The following STXBP5L variants were observed in gnomAD, a reference collection of about 807,000 sequenced individuals.
STXBP5L encodes syntaxin-binding protein 5-like.
A neutral mutation model predicts 144.5 loss-of-function variants in STXBP5L; 65 were observed. The ratio of observed to expected loss-of-function variants is 0.45; its 90% CI spans 0.37 to 0.55. The LOEUF (loss-of-function observed/expected upper bound fraction) is 0.55, where lower values mean the gene tolerates loss of function less well. Ranked by LOEUF, STXBP5L falls within the 20% of genes least tolerant of loss-of-function variation. The probability of loss-of-function intolerance (pLI) is 0.00; values close to 1 mark genes in which losing one functional copy is unlikely to be tolerated. For synonymous variants in STXBP5L, 505 were observed against 469.6 expected, an observed-to-expected ratio of 1.08 and a Z score of -0.97; for missense variants, 1,298 against 1,405.5, an observed-to-expected ratio of 0.92 and a Z score of 1.22.
chr3:121,120,815 TAAG>T (rs1297186930), intron 6 of STXBP5L, among the ~76,000 whole-genome samples: 1 of 151,280 alleles, frequency 6.6e-6, no homozygotes, highest in African/African-American at 2.4e-5. Context: ...AATATAATCA[TAAG>T]AATAATTTGA....
intron 7 of STXBP5L, among the ~76,000 whole-genome samples, chr3:121,143,879 G>T (rs2045608834): frequency 6.6e-6 from 1 of 151,690 alleles, no homozygotes; most frequent in Admixed American, 6.6e-5. Context: ...TCTGAAATAT[G>T]TAGAAAAAAC....
intron 3 of STXBP5L, among the ~76,000 whole-genome samples, chr3:121,019,298 T>G (rs557130666): frequency 6.6e-6 from 1 of 152,172 alleles, no homozygotes; most frequent in East Asian, 1.9e-4. Context: ...CTACCCTAAT[T>G]GAAGACAAAC....
intron 20 of STXBP5L, among the ~76,000 whole-genome samples, chr3:121,352,424 T>C (rs139630323): frequency 0.019 from 2,928 of 152,212 alleles, 115 homozygotes; most frequent in African/African-American, 0.067. Context: ...GATTCCTAGG[T>C]ATTTTATTCT....
chr3:121,302,809 G>T (rs573834904), intron 19 of STXBP5L, among the ~76,000 whole-genome samples: 5 of 152,252 alleles, frequency 3.3e-5, no homozygotes, highest in Admixed American at 6.5e-5. Context: ...AAAGGGTGCT[G>T]GGAAAACTGG....
intron 3 of STXBP5L, among the ~76,000 whole-genome samples, chr3:120,981,422 T>G (rs190904045): frequency 4.3e-4 from 66 of 152,288 alleles, no homozygotes; most frequent in African/African-American, 1.6e-3. Flanking sequence ...ACTGGGTTAA[T>G]TAAAAAGCTC....
intron 2 of STXBP5L, among the ~76,000 whole-genome samples, chr3:120,916,069 T>C (rs1290994839): frequency 6.6e-6 from 1 of 152,192 alleles, no homozygotes; most frequent in Admixed American, 6.5e-5. Flanking sequence ...CTTTCTGGGA[T>C]TGATTTATCA....
intron 3 of STXBP5L, among the ~76,000 whole-genome samples, chr3:121,018,860 CAA>C (rs1431207217): frequency 6.6e-6 from 1 of 152,192 alleles, no homozygotes; most frequent in Non-Finnish European, 1.5e-5. Context: ...CCAACAAAGA[CAA>C]GAGAATCCAC....
chr3:120,933,012 A>G (rs1316956241), intron 2 of STXBP5L, among the ~76,000 whole-genome samples: 1 of 139,224 alleles, frequency 7.2e-6, no homozygotes, highest in African/African-American at 2.7e-5. Flanking sequence ...ACACATGGAC[A>G]TAGGAAGGGG....
rs544829426 is a variant in STXBP5L at position 121,114,350 on chromosome 3, A to C, written c.471-575A>C. On this transcript the variant is annotated intron_variant, in intron 5 of 26. Coordinates refer to ENST00000471454, the MANE Select transcript of STXBP5L (RefSeq NM_001308330.2). ...CTTATATGTCAAACATCTGAATAAA[A>C]ACTAAATAATTTATCATCTCATGTA... is the stretch of plus-strand genomic sequence containing the variant. 2.0e-5 allele frequency among the ~76,000 whole-genome samples: 3 copies of C among 152,306 alleles called. No homozygotes were observed. The East Asian group carries it at 5.8e-4, about 29-fold the overall frequency.
chr3:121,051,054 A>T (rs1298127456), intron 5 of STXBP5L, among the ~76,000 whole-genome samples: 1 of 152,212 alleles, frequency 6.6e-6, no homozygotes, highest in Non-Finnish European at 1.5e-5. Flanking sequence ...ATATATATGC[A>T]CCCAATACAG....
At chr3:121,354,461 T>G (rs1375027647) in intron 20 of STXBP5L, among the ~76,000 whole-genome samples, 1 of 152,040 alleles carries the variant, frequency 6.6e-6, no homozygotes, top group African/African-American at 2.4e-5. Flanking sequence ...CTTTTGATCT[T>G]TGTTGGTTTA....
At chr3:120,919,864 T>A (rs1411720412) in intron 2 of STXBP5L, among the ~76,000 whole-genome samples, 1 of 151,936 alleles carries the variant, frequency 6.6e-6, no homozygotes, top group African/African-American at 2.4e-5. Context: ...TTATAACTTT[T>A]ATGAAACTCC....
intron 5 of STXBP5L, among the ~76,000 whole-genome samples, chr3:121,089,205 TC>T (rs1213355783): frequency 7.9e-5 from 12 of 151,234 alleles, no homozygotes; most frequent in Non-Finnish European, 1.5e-5. Flanking sequence ...GTCTCTTTTT[TC>T]CCATACTTGA....
At chr3:121,265,441 G>A (rs892605726) in intron 18 of STXBP5L, among the ~76,000 whole-genome samples, 4 of 152,056 alleles carry the variant, frequency 2.6e-5, no homozygotes, top group East Asian at 1.9e-4. Context: ...CAGACACAAC[G>A]TACCAGAATC....
chr3:120,975,985 G>A lies in STXBP5L; in HGVS notation c.287+20948G>A, dbSNP rs1485273109. Among the ~76,000 whole-genome samples, 6 of 151,144 alleles carry A rather than the reference G, an allele frequency of 4.0e-5. No homozygotes were observed. In the East Asian group the frequency reaches 1.2e-3, roughly 29 times the overall value. On this transcript the variant is annotated intron_variant, in intron 3 of 26. Transcript: ENST00000471454. ...GGATTTTTGCATCAATGTTCATCAAGGATATTGGTCTAAAATTCTCTTTTT... is the reference window on the plus strand; with the variant it reads ...GGATTTTTGCATCAATGTTCATCAAAGATATTGGTCTAAAATTCTCTTTTT...
chr3:121,129,182 AT>A (rs2044857203), intron 7 of STXBP5L, among the ~76,000 whole-genome samples: 1 of 152,028 alleles, frequency 6.6e-6, no homozygotes, highest in African/African-American at 2.4e-5. Context: ...CAAATGTATA[AT>A]TTGACAGATA....
chr3:121,002,905 A>G (rs988950715), intron 3 of STXBP5L, among the ~76,000 whole-genome samples: 3 of 152,272 alleles, frequency 2.0e-5, no homozygotes, highest in South Asian at 4.1e-4. Context: ...TTATGGCTGC[A>G]TAGTATTCCA....
At chr3:121,030,902 T>G (rs1307986273) in intron 3 of STXBP5L, among the ~76,000 whole-genome samples, 1 of 152,032 alleles carries the variant, frequency 6.6e-6, no homozygotes, top group Non-Finnish European at 1.5e-5. Flanking sequence ...GTTTATTAAA[T>G]GGATATTGGG....
At position 121,381,316 on chromosome 3, in the gene STXBP5L, C is replaced by A; in HGVS notation, c.2371C>A (p.Arg791Ser). The change falls in exon 22 of 27, where the codon CGT (arginine) becomes AGT (serine). Residue 791 changes from arginine to serine, a missense_variant. Coordinates refer to ENST00000471454, the MANE Select transcript of STXBP5L (RefSeq NM_001308330.2). ...AGAAAACCGAGAAAATTCCTATAAT[C>A]GTTCTAGAAGCTCTAGTATCTCCAG... Reference protein sequence around the residue: ...TEENRENSYNRSRSSSISSID... With the variant: ...TEENRENSYNSSRSSSISSID... The A allele has an allele frequency of 2.5e-6, 4 of 1,581,602 alleles. No homozygotes were observed. The highest frequency in any genetic ancestry group is 2.4e-5 in the South Asian group (2 of 84,110).
Sources: allele counts gnomAD v4.1 joint callset (sites outside exome capture counted in the v4.1 genomes callset), GRCh38; gene constraint gnomAD v4.1.1; transcripts MANE v1.5; gene names NCBI Gene and HGNC (gene_info 2026-07-23, HGNC 2026-07-21).